Variants in PTPN12 observed in about 807,000 individuals in gnomAD.
PTPN12 encodes the protein protein tyrosine phosphatase non-receptor type 12.
Under a neutral mutation model 97.6 loss-of-function variants are expected in PTPN12, and 29 were observed. The observed-to-expected ratio is 0.30, with a 90% CI of 0.22 to 0.41. PTPN12 has a LOEUF of 0.41. Among genes scored for constraint, PTPN12 ranks in the 10% least tolerant of loss-of-function variants. The probability of loss-of-function intolerance (pLI) is 1.00; values close to 1 mark genes in which losing one functional copy is unlikely to be tolerated. For synonymous variants in PTPN12, 327 were observed against 300.4 expected, an observed-to-expected ratio of 1.09 and a Z score of -0.91; for missense variants, 819 against 926.0, an observed-to-expected ratio of 0.88 and a Z score of 1.50.
chr7:77,555,652 C>T (rs1206913635), intron 1 of PTPN12, among the ~76,000 whole-genome samples: 3 of 152,112 alleles, frequency 2.0e-5, no homozygotes, highest in African/African-American at 4.8e-5. Flanking sequence ...CGGTGGCTCA[C>T]GCCTGTAATC....
intron 11 of PTPN12, among the ~76,000 whole-genome samples, chr7:77,617,536 C>T (rs992373950): frequency 1.5e-4 from 23 of 152,256 alleles, no homozygotes; most frequent in Non-Finnish European, 2.8e-4. Context: ...AGTAGAAGTG[C>T]CTTTTAATTA....
At chr7:77,615,516 G>C (rs1788719271) in intron 11 of PTPN12, among the ~76,000 whole-genome samples, 1 of 152,214 alleles carries the variant, frequency 6.6e-6, no homozygotes, top group South Asian at 2.1e-4. Context: ...GGATGCCAGG[G>C]CAGGAGAATT....
At chr7:77,580,184 G>A (rs114485108) in intron 2 of PTPN12, among the ~76,000 whole-genome samples, 343 of 152,336 alleles carry the variant, frequency 2.3e-3, no homozygotes, top group Middle Eastern at 0.01. Context: ...CCTAGTGCAA[G>A]CTGAGTGCAA....
At chr7:77,544,379 G>A (rs1192422819) in intron 1 of PTPN12, among the ~76,000 whole-genome samples, 1 of 152,160 alleles carries the variant, frequency 6.6e-6, no homozygotes, top group East Asian at 1.9e-4. Flanking sequence ...CCTTTGATGA[G>A]TATTCACCTA....
intron 12 of PTPN12, 130 bp downstream of exon 12, chr7:77,618,695 A>G (rs1008539289): frequency 4.6e-6 from 3 of 650,028 alleles, no homozygotes; most frequent in South Asian, 2.6e-5. Flanking sequence ...AGGATGTAAC[A>G]TACGTATGAC....
intron 3 of PTPN12, among the ~76,000 whole-genome samples, 163 bp from the exon 4 acceptor site, chr7:77,583,392 T>C (rs1242841091): frequency 6.6e-6 from 1 of 152,234 alleles, no homozygotes; most frequent in Admixed American, 6.5e-5. Flanking sequence ...GTGAATTGAA[T>C]ATATTTTGCC....
intron 1 of PTPN12, among the ~76,000 whole-genome samples, chr7:77,568,480 A>G (rs993682089): frequency 7.2e-5 from 11 of 152,144 alleles, no homozygotes; most frequent in African/African-American, 2.4e-4. Context: ...CCCTACAAAA[A>G]ATAGTAATAA....
chr7:77,617,399 A>G (rs1490146286), intron 11 of PTPN12, among the ~76,000 whole-genome samples: 1 of 152,172 alleles, frequency 6.6e-6, no homozygotes, highest in African/African-American at 2.4e-5. Context: ...TATGTATAAA[A>G]CTATTAATTC....
At chr7:77,637,945 A>AAT (rs1789662837) in intron 16 of PTPN12, among the ~76,000 whole-genome samples, 5 of 66,786 alleles carry the variant, frequency 7.5e-5, no homozygotes, top group Admixed American at 2.4e-4. Flanking sequence ...ATTTCTTAAA[A>AAT]TTTTTTTTTT....
Position 77,595,349 on chromosome 7 carries a change from G to A in PTPN12, c.493-2493G>A, listed in dbSNP as rs560745682. Among the ~76,000 whole-genome samples, 5 of 152,278 alleles carry A rather than the reference G, an allele frequency of 3.3e-5. No homozygotes were observed. The South Asian group carries it at 1.0e-3, about 32-fold the overall frequency. On this transcript the variant is annotated intron_variant, in intron 6 of 17. Transcript: ENST00000248594. Reference sequence around the variant, plus strand: ...TCGTAGTAAGTCATTTGACTACTTGGCAGTCAGAGTTTGAGACTGAGAAAT... The same window carrying A: ...TCGTAGTAAGTCATTTGACTACTTGACAGTCAGAGTTTGAGACTGAGAAAT...
At chr7:77,547,725 C>G (rs768901039) in intron 1 of PTPN12, among the ~76,000 whole-genome samples, 7 of 152,178 alleles carry the variant, frequency 4.6e-5, no homozygotes, top group Admixed American at 1.3e-4. Flanking sequence ...CTGAATAGAT[C>G]ATGGACAGTT....
intron 1 of PTPN12, among the ~76,000 whole-genome samples, chr7:77,560,707 A>G (rs573174098): frequency 9.2e-5 from 14 of 152,282 alleles, no homozygotes; most frequent in African/African-American, 3.1e-4. Flanking sequence ...GGGTTCATCC[A>G]TGTTGTAGTA....
chr7:77,581,307 A>G (rs896993795), intron 2 of PTPN12, 120 bp from the exon 3 acceptor site: 19 of 537,474 alleles, frequency 3.5e-5, no homozygotes, highest in African/African-American at 3.4e-4. Flanking sequence ...CCTAGAGTCC[A>G]TTTTCATCCA....
chr7:77,583,449 G>GT, intron 3 of PTPN12, 106 bp from the exon 4 acceptor site: 2 of 719,608 alleles, frequency 2.8e-6, no homozygotes, highest in South Asian at 3.8e-5. Context: ...AATGGTTTAA[G>GT]TTAAAACAAC....
intron 11 of PTPN12, among the ~76,000 whole-genome samples, chr7:77,614,059 T>TA (rs201231991): frequency 5.9e-5 from 9 of 151,980 alleles, no homozygotes; most frequent in South Asian, 2.1e-4. Flanking sequence ...CCTAGCTAAT[T>TA]AAAAAAAAAT....
At chr7:77,607,402 G>A in intron 9 of PTPN12, 101 bp downstream of exon 9, 1 of 885,934 alleles carries the variant, frequency 1.1e-6, no homozygotes, top group Non-Finnish European at 1.7e-6. Context: ...TATTATACAT[G>A]TTATTTTTTC....
At chr7:77,631,828 T>A (rs2151403442) in intron 13 of PTPN12, among the ~76,000 whole-genome samples, 2 of 152,374 alleles carry the variant, frequency 1.3e-5, no homozygotes, top group Middle Eastern at 6.8e-3. Flanking sequence ...TTTCCAATGT[T>A]ATTTCAGTTA....
intron 8 of PTPN12, among the ~76,000 whole-genome samples, chr7:77,603,520 T>C (rs1367255533): frequency 6.6e-6 from 1 of 152,226 alleles, no homozygotes; most frequent in Admixed American, 6.5e-5. Flanking sequence ...AGTTTTGCTC[T>C]TGTTGCCCAG....
chr7:77,606,748 A>G (rs1401925676), intron 8 of PTPN12, among the ~76,000 whole-genome samples: 2 of 152,224 alleles, frequency 1.3e-5, no homozygotes, highest in East Asian at 3.8e-4. Flanking sequence ...TGCTTGCAAG[A>G]TAAATCATCC....
Sources: gnomAD v4.1 joint callset for allele counts (sites outside exome capture counted in the v4.1 genomes callset) on GRCh38, gnomAD v4.1.1 for gene constraint, MANE v1.5 for transcripts, NCBI Gene and HGNC (gene_info 2026-07-23, HGNC 2026-07-21) for gene names.